Variants in BCL9 observed in about 807,000 individuals in gnomAD.
BCL9 encodes BCL9 transcription coactivator, also known as B-cell CLL/lymphoma 9 protein.
BCL9 carries 25 observed loss-of-function variants against 88.5 expected under a neutral mutation model. That is an observed-to-expected ratio of 0.28 (90% CI 0.21 to 0.39). The LOEUF is 0.39. Among genes scored for constraint, BCL9 ranks in the 10% least tolerant of loss-of-function variants. The probability of loss-of-function intolerance (pLI) is 1.00; values close to 1 mark genes in which losing one functional copy is unlikely to be tolerated. For synonymous variants in BCL9, 711 were observed against 673.3 expected, an observed-to-expected ratio of 1.06 and a Z score of -0.87; for missense variants, 1,817 against 1,877.8, an observed-to-expected ratio of 0.97 and a Z score of 0.60.
intron 3 of BCL9, among the ~76,000 whole-genome samples, chr1:147,609,909 CT>C (rs1367204405): frequency 6.6e-6 from 1 of 152,180 alleles, no homozygotes; most frequent in Non-Finnish European, 1.5e-5. Context: ...AAATATACAC[CT>C]AGTATTATTC....
At chr1:147,609,372 A>G (rs1657890053) in intron 3 of BCL9, among the ~76,000 whole-genome samples, 1 of 152,160 alleles carries the variant, frequency 6.6e-6, no homozygotes, top group Non-Finnish European at 1.5e-5. Flanking sequence ...TTAGATTTTG[A>G]TCCCAGTCAC....
intron 1 of BCL9, among the ~76,000 whole-genome samples, chr1:147,578,044 A>C (rs1553198255): frequency 6.6e-6 from 1 of 152,132 alleles, no homozygotes; most frequent in Non-Finnish European, 1.5e-5. Flanking sequence ...TGAAACCTTA[A>C]TACGATTTGA....
chr1:147,622,861 A>AT (rs1472281611), intron 9 of BCL9, among the ~76,000 whole-genome samples: 3 of 151,896 alleles, frequency 2.0e-5, no homozygotes, highest in Non-Finnish European at 4.4e-5. Flanking sequence ...TAACAGGCTG[A>AT]TTGGAATGTC....
At chr1:147,600,224 C>A (rs1320007470) in intron 1 of BCL9, 5 of 162,048 alleles carry the variant, frequency 3.1e-5, no homozygotes, top group Admixed American at 2.6e-4. Context: ...CGGGGGGAGA[C>A]GCTGCGCCGC....
In BCL9 at chr1:147,591,398, T is replaced by C. The variant is rs144835012; in HGVS notation, c.-477-13379T>C. ...ATTTTCACCTCAGGCTGACTTTGGC[T>C]TTAATCTCAGCTCCACCACTCTCTA... On this transcript the variant is annotated intron_variant, in intron 1 of 9. Transcript: ENST00000234739. Among the ~76,000 whole-genome samples the C allele has an allele frequency of 4.0e-3, 603 of 152,314 alleles. 4 individuals are homozygous for C. The highest frequency in any genetic ancestry group is 0.014 in the Middle Eastern group (4 of 294).
At chr1:147,611,352 G>A (rs782461795) in intron 3 of BCL9, among the ~76,000 whole-genome samples, 2 of 152,140 alleles carry the variant, frequency 1.3e-5, no homozygotes, top group Admixed American at 6.5e-5. Context: ...TGCTGCTTGC[G>A]GGGGAGGCTT....
chr1:147,601,349 G>A (rs1230017525), intron 1 of BCL9, among the ~76,000 whole-genome samples: 1 of 152,218 alleles, frequency 6.6e-6, no homozygotes, highest in African/African-American at 2.4e-5. Flanking sequence ...ATCCCTGGCA[G>A]TGATTTCAGT....
intron 3 of BCL9, among the ~76,000 whole-genome samples, chr1:147,608,213 G>T (rs1375457963): frequency 6.6e-6 from 1 of 151,906 alleles, no homozygotes; most frequent in Non-Finnish European, 1.5e-5. Flanking sequence ...GTGGAAGTTG[G>T]TTTAAAATGA....
intron 1 of BCL9, among the ~76,000 whole-genome samples, chr1:147,576,214 T>A (rs1032157692): frequency 2.2e-4 from 33 of 152,164 alleles, no homozygotes; most frequent in African/African-American, 8.0e-4. Context: ...TTTAACATAA[T>A]TATTAAAAAT....
At chr1:147,593,618 A>G (rs904069737) in intron 1 of BCL9, among the ~76,000 whole-genome samples, 2 of 152,148 alleles carry the variant, frequency 1.3e-5, no homozygotes, top group Non-Finnish European at 2.9e-5. Flanking sequence ...ACTTTTTTGA[A>G]TCTTCAGTAC....
chr1:147,587,086 C>G (rs1180736393), intron 1 of BCL9, among the ~76,000 whole-genome samples: 1 of 151,744 alleles, frequency 6.6e-6, no homozygotes, highest in African/African-American at 2.4e-5. Context: ...CCCGTCTCTC[C>G]TAAACTTACC....
intron 1 of BCL9, among the ~76,000 whole-genome samples, chr1:147,599,689 G>C (rs1265984622): frequency 1.3e-5 from 2 of 152,200 alleles, no homozygotes; most frequent in Admixed American, 1.3e-4. Flanking sequence ...CTCCAGCCGG[G>C]TGACGGTCCG....
intron 1 of BCL9, among the ~76,000 whole-genome samples, chr1:147,570,814 C>T (rs150398775): frequency 0.016 from 2,367 of 151,618 alleles, 30 homozygotes; most frequent in East Asian, 0.055. Context: ...TTTGTATTTT[C>T]AGTAGAGATG....
intron 1 of BCL9, among the ~76,000 whole-genome samples, chr1:147,601,318 G>A (rs1553201257): frequency 1.3e-5 from 2 of 152,212 alleles, no homozygotes; most frequent in Admixed American, 6.5e-5. Flanking sequence ...ATTTGACTTT[G>A]ATTACAGCAA....
Position 147,619,819 on chromosome 1 carries a change from T to C in BCL9, c.1664T>C (p.Met555Thr). 3.7e-6 allele frequency: 6 copies of C among 1,614,012 alleles called. No homozygotes were observed. Among genetic ancestry groups the C allele is most frequent in the Non-Finnish European group, 5.1e-6 (6 of 1,179,988 alleles). The change falls in exon 8 of 10, where the codon ATG becomes ACG. Residue 555 changes from methionine to threonine, a missense_variant. Coordinates refer to ENST00000234739, the MANE Select transcript of BCL9 (RefSeq NM_004326.4). This position sits in a 1 kb window ranked among gnomAD's most constrained non-coding sequence, Gnocchi z 4.1. ...AGGGGCATGGCTCCCCACCCCAACA[T>C]GCCAGGGAGCCAGATGCGCCTCCCT... ...PPRGMAPHPNMPGSQMRLPGF... is the reference protein window; with the variant it reads ...PPRGMAPHPNTPGSQMRLPGF...
At chr1:147,556,670 A>T (rs1655130313) in intron 1 of BCL9, among the ~76,000 whole-genome samples, 2 of 150,914 alleles carry the variant, frequency 1.3e-5, no homozygotes, top group African/African-American at 4.9e-5. Context: ...GCTGGTCTTG[A>T]ACTCTTAGGC....
chr1:147,590,017 A>C (rs1358442844), intron 1 of BCL9, among the ~76,000 whole-genome samples: 1 of 152,112 alleles, frequency 6.6e-6, no homozygotes, highest in Admixed American at 6.5e-5. Context: ...TTTCTTTTTT[A>C]TTATAGGCAT....
chr1:147,547,958 G>A (rs1553194422), intron 1 of BCL9, among the ~76,000 whole-genome samples: 2 of 152,178 alleles, frequency 1.3e-5, no homozygotes, highest in South Asian at 2.1e-4. Context: ...GATTCAAAAT[G>A]CCTTCAGTTT....
intron 7 of BCL9, among the ~76,000 whole-genome samples, chr1:147,617,945 G>A (rs891668811): frequency 6.6e-6 from 1 of 152,138 alleles, no homozygotes; most frequent in Non-Finnish European, 1.5e-5. Flanking sequence ...AACATTCAAG[G>A]TGTCCATGTC....
Sources: gnomAD v4.1 joint callset for allele counts (sites outside exome capture counted in the v4.1 genomes callset) on GRCh38, gnomAD v4.1.1 for gene constraint, Gnocchi (gnomAD v3.1) non-coding constraint, MANE v1.5 for transcripts, NCBI Gene and HGNC (gene_info 2026-07-23, HGNC 2026-07-21) for gene names.